Variants in CDADC1 observed in about 807,000 individuals in gnomAD.
The protein encoded by CDADC1 is cytidine and dCMP deaminase domain containing 1.
In CDADC1, 39 loss-of-function variants were observed where a neutral mutation model predicts 54.9. The observed-to-expected ratio is 0.71, with a 90% CI of 0.55 to 0.93. The LOEUF is 0.93. CDADC1 is among the 40% of genes least tolerant of loss of function. The probability of loss-of-function intolerance (pLI) is 0.00; values close to 1 mark genes in which losing one functional copy is unlikely to be tolerated. For missense variants in CDADC1, 518 were observed against 618.8 expected, an observed-to-expected ratio of 0.84 and a Z score of 1.73; for synonymous variants, 186 against 204.0, an observed-to-expected ratio of 0.91 and a Z score of 0.75.
Position 49,267,418 on chromosome 13 carries a change from G to T in CDADC1, c.431-72G>T, listed in dbSNP as rs139001956. On this transcript the variant is annotated intron_variant, in intron 4 of 9. Transcript: ENST00000251108. ...GGGTTCTAGATATACTGCAATGATA[G>T]GGTGGATTTTATAATGAAAACCCTA... The T allele has an allele frequency of 9.6e-4, 1,134 of 1,186,344 alleles. 8 individuals are homozygous for T. In the African/African-American group the frequency reaches 0.015, roughly 16 times the overall value. The allele number at this position is 1,186,344 out of a possible 1,614,324, so 73.5% of individuals were successfully genotyped here.
chr13:49,266,980 C>T (rs774185058), intron 4 of CDADC1, among the ~76,000 whole-genome samples: 11 of 152,170 alleles, frequency 7.2e-5, no homozygotes, highest in Non-Finnish European at 1.0e-4. Flanking sequence ...TGGGATCACA[C>T]TTCACAACAC....
chr13:49,290,929 T>C (rs1953685715), intron 9 of CDADC1, among the ~76,000 whole-genome samples: 4 of 152,202 alleles, frequency 2.6e-5, no homozygotes, highest in Admixed American at 2.0e-4. Context: ...CAAATAAAGC[T>C]ATTAAACACA....
intron 9 of CDADC1, among the ~76,000 whole-genome samples, chr13:49,291,170 G>GC (rs1555316613): frequency 7.0e-6 from 1 of 142,174 alleles, no homozygotes; most frequent in African/African-American, 2.6e-5. Context: ...TCAGTTTTTG[G>GC]TTTTTTTTTT....
In CDADC1 at chr13:49,292,024, G is replaced by T; in HGVS notation, c.*267G>T. ...ACTTCAACCAATGTAATCACCAACA[G>T]GGACTGATTTCTATTTATCTTGACT... On this transcript the variant is annotated 3_prime_UTR_variant, in exon 10 of 10. Transcript: ENST00000251108. 1 of 1,180,046 alleles carries T rather than the reference G, an allele frequency of 8.5e-7. No homozygotes were observed. The highest frequency in any genetic ancestry group is 2.4e-5 in the South Asian group (1 of 41,324). 73.1% of individuals were successfully genotyped at this position (1,180,046 alleles called of 1,614,324 possible).
chr13:49,265,985 G>GGA, intron 4 of CDADC1: 1 of 1,296,370 alleles, frequency 7.7e-7, no homozygotes, highest in African/African-American at 1.5e-5. Flanking sequence ...TGCAACCGGA[G>GGA]GAAACACTCT....
At chr13:49,259,860 A>AC (rs60111551) in intron 4 of CDADC1, among the ~76,000 whole-genome samples, 1,962 of 150,942 alleles carry the variant, frequency 0.013, 27 homozygotes, top group African/African-American at 0.038. Flanking sequence ...AAAAAAAAAA[A>AC]CGAAGAAAGG....
intron 8 of CDADC1, among the ~76,000 whole-genome samples, chr13:49,284,596 A>T (rs1342556130): frequency 6.6e-6 from 1 of 151,924 alleles, no homozygotes; most frequent in Non-Finnish European, 1.5e-5. Flanking sequence ...AATTTTAAAC[A>T]TTTTTTTGGT....
In CDADC1 at chr13:49,273,961, G is replaced by A. The variant is rs897665978; in HGVS notation, c.1001-330G>A. Among the ~76,000 whole-genome samples the A allele has an allele frequency of 2.6e-5, 4 of 152,068 alleles. No homozygotes were observed. The South Asian group carries it at 6.2e-4, about 24-fold the overall frequency. Reference sequence around the variant, plus strand: ...TATCAGAAGTAGTTGTTTAGAAACCGGCTTGTTAATGGAGAATCAATGAAG... The same window carrying A: ...TATCAGAAGTAGTTGTTTAGAAACCAGCTTGTTAATGGAGAATCAATGAAG... On this transcript the variant is annotated intron_variant, in intron 5 of 9. Transcript: ENST00000251108.
intron 8 of CDADC1, among the ~76,000 whole-genome samples, chr13:49,282,173 T>C (rs1305746712): frequency 6.6e-6 from 1 of 150,786 alleles, no homozygotes; most frequent in East Asian, 2.0e-4. Context: ...AGGTAGTTCA[T>C]GGAAAACACA....
Position 49,286,279 on chromosome 13 carries a change from G to T in CDADC1, c.1468G>T (p.Glu490Ter). Residue 490 changes from glutamate to a stop codon, truncating the protein, a stop_gained, in exon 9 of 10, where the codon GAA becomes TAA. Coordinates refer to ENST00000251108, the MANE Select transcript of CDADC1 (RefSeq NM_030911.4). LOFTEE classifies it low-confidence loss of function (END_TRUNC). ...TGAACAAAATGAGCCTGAAAGGAGA[G>T]AAAGTAAGTATTTATGTATTGAGGT... Reference protein sequence around the residue: ...GLEQNEPERRENGVLRPVPQK... With the variant: ...GLEQNEPERR 6.2e-7 allele frequency: 1 copy of T among 1,610,810 alleles called. No homozygotes were observed. The highest frequency in any genetic ancestry group is 1.7e-5 in the Admixed American group (1 of 60,010).
chr13:49,257,719 G>A (rs190759864), intron 3 of CDADC1, among the ~76,000 whole-genome samples: 250 of 152,280 alleles, frequency 1.6e-3, no homozygotes, highest in African/African-American at 5.9e-3. Flanking sequence ...CCGAGATAGT[G>A]CCACTGCACT....
intron 6 of CDADC1, among the ~76,000 whole-genome samples, chr13:49,276,989 T>C (rs113452029): frequency 6.6e-6 from 1 of 152,300 alleles, no homozygotes; most frequent in African/African-American, 2.4e-5. Flanking sequence ...GGCAGCACGG[T>C]GAAATGGAAA....
rs551221733 is a variant in CDADC1, at chr13:49,286,124, C to T, written c.1411-98C>T. On this transcript the variant is annotated intron_variant, in intron 8 of 9. Coordinates refer to ENST00000251108, the MANE Select transcript of CDADC1 (RefSeq NM_030911.4). ...CCACTATGCCCAGCCATTTTTCTTC[C>T]ATTTTTAAGAAGTTGTTTTGATATT... 7 of 1,021,208 alleles carry T rather than the reference C, an allele frequency of 6.9e-6. No homozygotes were observed. The East Asian group carries it at 1.5e-4, about 22-fold the overall frequency. The allele number at this position is 1,021,208 out of a possible 1,614,324, so 63.3% of individuals were successfully genotyped here.
intron 2 of CDADC1, among the ~76,000 whole-genome samples, chr13:49,251,795 C>A (rs1352441218): frequency 6.6e-6 from 1 of 152,022 alleles, no homozygotes; most frequent in Non-Finnish European, 1.5e-5. Context: ...ATATTAGCAA[C>A]AAAATTTTAT....
chr13:49,284,540 C>T lies in CDADC1; in HGVS notation c.1411-1682C>T, dbSNP rs115011020. ...GATTACTTGTTTTTACTTTGTCTGC[C>T]CAAATTAATAGGTTTTAGTGGTTTG... is the stretch of plus-strand genomic sequence containing the variant. On this transcript the variant is annotated intron_variant, in intron 8 of 9. Transcript: ENST00000251108. Among the ~76,000 whole-genome samples the T allele has an allele frequency of 2.2e-3, 335 of 152,168 alleles. 2 individuals carry two copies. Among genetic ancestry groups the T allele is most frequent in the African/African-American group, 7.5e-3 (313 of 41,480 alleles).
chr13:49,287,242 G>C (rs1953540617), intron 9 of CDADC1, among the ~76,000 whole-genome samples: 4 of 152,140 alleles, frequency 2.6e-5, no homozygotes, highest in Admixed American at 1.3e-4. Flanking sequence ...TGGATTTGAA[G>C]TAAATGGAAG....
In CDADC1 at chr13:49,293,003, A is replaced by G. The variant is rs1038334627; in HGVS notation, c.*1246A>G. On this transcript the variant is annotated 3_prime_UTR_variant, in exon 10 of 10. Transcript: ENST00000251108. ...ACCATGGGGAGTTCAGAGTCATCAT[A>G]CAAGGCAGCCAAGAACTGCCATAAA... 7.5e-6 allele frequency: 2 copies of G among 265,676 alleles called. No individual in the cohort carries two copies. 16.5% of individuals were successfully genotyped at this position (265,676 alleles called of 1,614,324 possible).
At chr13:49,261,556 A>C (rs1018330233) in intron 4 of CDADC1, among the ~76,000 whole-genome samples, 3 of 152,200 alleles carry the variant, frequency 2.0e-5, no homozygotes, top group African/African-American at 7.2e-5. Flanking sequence ...CTGTTATTGA[A>C]TTGGAGCAGG....
At position 49,265,086 on chromosome 13, in the gene CDADC1, G is replaced by A. The variant is rs984552055; in HGVS notation, c.431-2404G>A. Among the ~76,000 whole-genome samples, 12 of 152,274 alleles carry A rather than the reference G, an allele frequency of 7.9e-5. No individual in the cohort carries two copies. In the East Asian group the frequency reaches 1.2e-3, roughly 15 times the overall value. On this transcript the variant is annotated intron_variant, in intron 4 of 9. Transcript: ENST00000251108. ...AACAATTACTACTATTGCAATAGCTGCAATTATCACTCCTATAGTACAGGG... is the reference window on the plus strand; with the variant it reads ...AACAATTACTACTATTGCAATAGCTACAATTATCACTCCTATAGTACAGGG...
Sources: allele counts gnomAD v4.1 joint callset (sites outside exome capture counted in the v4.1 genomes callset), GRCh38; gene constraint gnomAD v4.1.1; transcripts MANE v1.5; gene names NCBI Gene and HGNC (gene_info 2026-07-23, HGNC 2026-07-21).